TBC1D20: variants seen among roughly 807,000 people sequenced by gnomAD.
TBC1D20 encodes the protein TBC1 domain family member 20.
Under a neutral mutation model 41.6 loss-of-function variants are expected in TBC1D20, and 12 were observed. That is an observed-to-expected ratio of 0.29 (90% CI 0.18 to 0.47). The LOEUF is 0.47. Ranked by LOEUF, TBC1D20 falls within the 20% of genes least tolerant of loss-of-function variation. TBC1D20 has a pLI of 1.00. For synonymous variants in TBC1D20, 205 were observed against 204.8 expected (o/e 1.00, Z -0.01); for missense variants, 421 against 517.4 (o/e 0.81, Z 1.81).
rs2017165758 is a variant in TBC1D20, at chr20:438,707, G to C, written c.1091C>G (p.Thr364Ser). The C allele has an allele frequency of 6.2e-7, 1 of 1,614,204 alleles. No individual in the cohort carries two copies. Among genetic ancestry groups the C allele is most frequent in the Non-Finnish European group, 8.5e-7 (1 of 1,180,038 alleles). ...CACTGCCAATTTCACAAAGCGGTTG[G>C]TCCTTGGCTTGGTCAGGACATCTTT... ...RTKDVLTKPR[T>S]NRFVKLAVMG... Residue 364 changes from threonine to serine, a missense_variant, in exon 8 of 8, where the codon ACC becomes AGC. This residue lies in a region of TBC1D20 where 161 missense variants were observed against 182.7 expected (regional missense o/e 0.88). Transcript: ENST00000354200.
intron 5 of TBC1D20, 199 bp from the exon 6 acceptor site, chr20:440,588 A>G: frequency 1.6e-6 from 1 of 627,120 alleles, no homozygotes; most frequent in Non-Finnish European, 2.6e-6. Flanking sequence ...ACACCACAAC[A>G]GGGTCCTGGC....
Position 439,162 on chromosome 20 carries a change from T to C in TBC1D20, c.902A>G (p.Gln301Arg), listed in dbSNP as rs753551112. 2 of 1,614,128 alleles carry C rather than the reference T, an allele frequency of 1.2e-6. No homozygotes were observed. The highest frequency in any genetic ancestry group is 1.1e-5 in the South Asian group (1 of 91,060). ...LISRAGDLFV[Q>R]FPPSELAREA... is the part of the protein sequence containing the mutation. ...CCGAGCAAGTTCGGATGGGGGAAACTGAACAAAAAGGTCTCCTGCTCTGCT... is the reference window on the plus strand; with the variant it reads ...CCGAGCAAGTTCGGATGGGGGAAACCGAACAAAAAGGTCTCCTGCTCTGCT... Residue 301 changes from glutamine (Q) to arginine (R), a missense_variant, in exon 7 of 8, where the codon CAG becomes CGG. Around this residue, in one of 3 missense-constraint regions of TBC1D20, gnomAD observed 161 missense variants for 182.7 expected, o/e 0.88. Coordinates refer to ENST00000354200, the MANE Select transcript of TBC1D20 (RefSeq NM_144628.4). This position sits in a 1 kb window ranked among gnomAD's most constrained non-coding sequence, Gnocchi z 4.6.
In TBC1D20 at chr20:439,280, C is replaced by T. The variant is rs368269156; in HGVS notation, c.784G>A (p.Glu262Lys). ...YFAAVIVLYR[E>K]QEVLDCDCDM... Reference sequence around the variant, plus strand: ...CAGTCACAGTCCAGGACTTCCTGCTCGCGATACAACACAATCTGTGGGGAG... The same window carrying T: ...CAGTCACAGTCCAGGACTTCCTGCTTGCGATACAACACAATCTGTGGGGAG... The change falls in exon 7 of 8, where the codon GAG (glutamate) becomes AAG (lysine). Residue 262 changes from glutamate to lysine, a missense_variant. Around this residue, in one of 3 missense-constraint regions of TBC1D20, gnomAD observed 161 missense variants for 182.7 expected, o/e 0.88. Coordinates refer to ENST00000354200, the MANE Select transcript of TBC1D20 (RefSeq NM_144628.4). The surrounding 1 kb of genome is among the most constrained non-coding windows in gnomAD (Gnocchi z 4.6). 4.3e-6 allele frequency: 7 copies of T among 1,609,878 alleles called. No homozygotes were observed. In the African/African-American group the frequency reaches 6.7e-5, roughly 15 times the overall value.
At chr20:460,496 G>C (rs1243152763) in intron 1 of TBC1D20, among the ~76,000 whole-genome samples, 1 of 151,054 alleles carries the variant, frequency 6.6e-6, no homozygotes, top group Non-Finnish European at 1.5e-5. Flanking sequence ...AGCAGGAGAG[G>C]AAAACCTTAT....
chr20:460,219 T>C (rs1007396905), intron 1 of TBC1D20, among the ~76,000 whole-genome samples: 1 of 152,002 alleles, frequency 6.6e-6, no homozygotes, highest in Non-Finnish European at 1.5e-5. Flanking sequence ...GGGGGGCCGT[T>C]TTGTGTGGAG....
rs530986279 is a variant in TBC1D20, at chr20:451,040, A to G, written c.71-2966T>C. Among the ~76,000 whole-genome samples, 5 of 152,344 alleles carry G rather than the reference A, an allele frequency of 3.3e-5. No individual in the cohort carries two copies. The South Asian group carries it at 1.0e-3, about 32-fold the overall frequency. ...TCAAAAACACAAGAAATGTTACACA[A>G]GACAACACCAAACGTCACAAGGCAG... On this transcript the variant is annotated intron_variant, in intron 1 of 7. Coordinates refer to ENST00000354200, the MANE Select transcript of TBC1D20 (RefSeq NM_144628.4).
At chr20:454,390 T>C (rs983872200) in intron 1 of TBC1D20, among the ~76,000 whole-genome samples, 3 of 151,730 alleles carry the variant, frequency 2.0e-5, no homozygotes, top group Non-Finnish European at 4.4e-5. Flanking sequence ...GGATGAAGGG[T>C]ACAGAAGAAA....
At chr20:449,796 T>C (rs1324085577) in intron 1 of TBC1D20, among the ~76,000 whole-genome samples, 3 of 152,174 alleles carry the variant, frequency 2.0e-5, no homozygotes, top group Non-Finnish European at 4.4e-5. Flanking sequence ...CTCCTCACTC[T>C]GAAACAACAT....
At position 440,256 on chromosome 20, in the gene TBC1D20, C is replaced by T; in HGVS notation, c.760G>A (p.Ala254Thr). ...TCGTGGCCTGTACCTACCACGGCTG[C>T]AAAGTAAATCGGCATCAGTGGGTGG... is the stretch of plus-strand genomic sequence containing the variant. Reference protein sequence around the residue: ...ACHPLMPIYFAAVIVLYREQE... With the variant: ...ACHPLMPIYFTAVIVLYREQE... Residue 254 changes from alanine to threonine, a missense_variant, in exon 6 of 8, where the codon GCA becomes ACA. Physicochemically the swap from Ala to Thr is moderately conservative, Grantham distance 58. Transcript: ENST00000354200. The T allele has an allele frequency of 6.2e-7, 1 of 1,612,870 alleles. No homozygotes were observed. The highest frequency in any genetic ancestry group is 8.5e-7 in the Non-Finnish European group (1 of 1,179,490).
intron 1 of TBC1D20, among the ~76,000 whole-genome samples, chr20:453,008 G>A (rs994358897): frequency 6.6e-6 from 1 of 151,488 alleles, no homozygotes; most frequent in Non-Finnish European, 1.5e-5. Context: ...AATTAGCCGG[G>A]CGTGGTGGCA....
chr20:442,111 G>T, intron 3 of TBC1D20, 68 bp from the exon 4 acceptor site: 2 of 1,363,376 alleles, frequency 1.5e-6, no homozygotes, highest in Non-Finnish European at 2.0e-6. Context: ...GTCGAAGAAG[G>T]CCAGCAATGA....
intron 1 of TBC1D20, among the ~76,000 whole-genome samples, chr20:453,224 G>A (rs1006449927): frequency 7.3e-5 from 10 of 136,668 alleles, no homozygotes; most frequent in East Asian, 2.5e-4. Context: ...TGTAATCCTC[G>A]CACTTTGGGA....
intron 1 of TBC1D20, among the ~76,000 whole-genome samples, chr20:459,082 A>G (rs896697307): frequency 3.3e-5 from 5 of 152,236 alleles, no homozygotes; most frequent in African/African-American, 1.2e-4. Flanking sequence ...CAAGTGAGCT[A>G]AAGATGTATG....
In TBC1D20 at chr20:445,062, G is replaced by A. The variant is rs1425283433; in HGVS notation, c.325C>T (p.Arg109Trp). 11 of 1,604,434 alleles carry A rather than the reference G, an allele frequency of 6.9e-6. No homozygotes were observed. The highest frequency in any genetic ancestry group is 4.5e-5 in the East Asian group (2 of 44,444). The change falls in exon 3 of 8, where the codon CGG becomes TGG. Residue 109 changes from arginine to tryptophan, a missense_variant. By Grantham distance (101) the Arg-to-Trp change is moderately radical (BLOSUM62 -3). This residue lies in a region of TBC1D20 where 150 missense variants were observed against 151.3 expected (regional missense o/e 0.99). Transcript: ENST00000354200. ...VLLDVRRSLR[R>W]FPPGMPEEQR... Reference sequence around the variant, plus strand: ...GAGAGCTTCTCACCAGGAGGGAACCGCCGCAATGACCGCCGGACGTCCAGC... The same window carrying A: ...GAGAGCTTCTCACCAGGAGGGAACCACCGCAATGACCGCCGGACGTCCAGC...
intron 5 of TBC1D20, chr20:441,031 T>C (rs1195299380): frequency 6.5e-6 from 1 of 153,376 alleles, no homozygotes; most frequent in African/African-American, 2.4e-5. Context: ...GAGGTTGCAG[T>C]GAGCCAAGAT....
chr20:441,800 A>G, intron 4 of TBC1D20, 57 bp downstream of exon 4: 1 of 1,595,920 alleles, frequency 6.3e-7, no homozygotes, highest in Admixed American at 1.7e-5. Context: ...CCAGTGAGTT[A>G]TCCCCAGGAC....
At position 441,885 on chromosome 20, in the gene TBC1D20, C is replaced by T. The variant is rs772979309; in HGVS notation, c.496G>A (p.Val166Ile). ...AGGTGGTGGGTAGATAATTTTTCTA[C>T]CAGGGATGTTGCCAGCCTCTCGCCT... ...VVGERLATSL[V>I]EKLSTHHLRD... The change falls in exon 4 of 8, where the codon GTA (valine) becomes ATA (isoleucine). Residue 166 changes from valine (V) to isoleucine (I), a missense_variant. By Grantham distance (29) the Val-to-Ile change is conservative. Coordinates refer to ENST00000354200, the MANE Select transcript of TBC1D20 (RefSeq NM_144628.4). 3 of 1,613,964 alleles carry T rather than the reference C, an allele frequency of 1.9e-6. No homozygotes were observed. Among genetic ancestry groups the T allele is most frequent in the Admixed American group, 1.7e-5 (1 of 60,002 alleles).
chr20:446,943 A>ATTT (rs35489596), intron 2 of TBC1D20, among the ~76,000 whole-genome samples: 49 of 75,900 alleles, frequency 6.5e-4, no homozygotes, highest in Admixed American at 1.3e-3. Context: ...CAAAATACGC[A>ATTT]TTTTTTTTTT....
intron 3 of TBC1D20, among the ~76,000 whole-genome samples, chr20:443,558 A>G (rs1247607589): frequency 6.6e-6 from 1 of 152,202 alleles, no homozygotes; most frequent in South Asian, 2.1e-4. Flanking sequence ...CCTCTTGCCC[A>G]TATTTACCCC....
Sources: allele counts gnomAD v4.1 joint callset (sites outside exome capture counted in the v4.1 genomes callset), GRCh38; gene constraint gnomAD v4.1.1; regional missense constraint gnomAD v4.1.1; non-coding constraint Gnocchi (gnomAD v3.1); transcripts MANE v1.5; gene names NCBI Gene and HGNC (gene_info 2026-07-23, HGNC 2026-07-21).